RBKS: variants seen among roughly 807,000 people sequenced by gnomAD.
The protein encoded by RBKS is ribokinase.
RBKS carries 33 observed loss-of-function variants against 33.9 expected under a neutral mutation model. The ratio of observed to expected loss-of-function variants is 0.97; its 90% CI spans 0.74 to 1.30. The LOEUF is 1.30. Ranked by LOEUF, RBKS falls within the 50% of genes most tolerant of loss-of-function variation. The pLI is 0.00. For synonymous variants in RBKS, 125 were observed against 143.0 expected (o/e 0.87, Z 0.90); for missense variants, 361 against 392.6 (o/e 0.92, Z 0.68).
At chr2:27,865,375 G>A (rs1664078111) in intron 1 of RBKS, among the ~76,000 whole-genome samples, 1 of 152,124 alleles carries the variant, frequency 6.6e-6, no homozygotes, top group Admixed American at 6.5e-5. Context: ...AGAAATCTTT[G>A]CTCAGAAAGT....
chr2:27,861,036 C>T (rs933372170), intron 1 of RBKS, among the ~76,000 whole-genome samples: 21 of 151,736 alleles, frequency 1.4e-4, no homozygotes, highest in Admixed American at 1.2e-3. Context: ...GGCACGATCT[C>T]GGCTCACTGC....
chr2:27,879,838 C>A (rs1468928990), intron 1 of RBKS, among the ~76,000 whole-genome samples: 1 of 152,122 alleles, frequency 6.6e-6, no homozygotes, highest in African/African-American at 2.4e-5. Context: ...GAAACTGAAT[C>A]AGTAATAAAT....
chr2:27,879,435 A>G (rs1466467916), intron 1 of RBKS, among the ~76,000 whole-genome samples: 1 of 152,172 alleles, frequency 6.6e-6, no homozygotes, highest in Non-Finnish European at 1.5e-5. Context: ...TAATGCCATT[A>G]TCATGGGAGT....
At chr2:27,843,849 C>G (rs1361311740) in intron 4 of RBKS, among the ~76,000 whole-genome samples, 1 of 152,154 alleles carries the variant, frequency 6.6e-6, no homozygotes, top group Non-Finnish European at 1.5e-5. Context: ...TATAATCCCA[C>G]CTGAATGAGG....
intron 1 of RBKS, among the ~76,000 whole-genome samples, chr2:27,886,813 A>G (rs1051698196): frequency 6.6e-6 from 1 of 152,202 alleles, no homozygotes; most frequent in Non-Finnish European, 1.5e-5. Context: ...CTAGCCAGTA[A>G]GTAACCACTT....
At chr2:27,784,553 C>T (rs1444930648) in intron 7 of RBKS, among the ~76,000 whole-genome samples, 1 of 152,080 alleles carries the variant, frequency 6.6e-6, no homozygotes, top group East Asian at 1.9e-4. Flanking sequence ...AGAAAGCGCC[C>T]CCCACCTTGC....
At chr2:27,842,876 A>G (rs1663539961) in intron 5 of RBKS, among the ~76,000 whole-genome samples, 191 bp downstream of exon 5, 1 of 151,556 alleles carries the variant, frequency 6.6e-6, no homozygotes, top group Non-Finnish European at 1.5e-5. Flanking sequence ...AATGCTACTC[A>G]TGTTTTTTTT....
rs575671964 is a variant in RBKS at position 27,849,231 on chromosome 2, T to C, written c.223-1134A>G. Among the ~76,000 whole-genome samples, 37 of 151,392 alleles carry C rather than the reference T, an allele frequency of 2.4e-4. No homozygotes were observed. In the South Asian group the frequency reaches 7.5e-3, roughly 31 times the overall value. ...TTTATTTTTTTTTGCTTAAGCTATT[T>C]TGAATTGGGTGTCTATTGTCTGTTA... On this transcript the variant is annotated intron_variant, in intron 2 of 7. Transcript: ENST00000302188.
chr2:27,833,885 T>TG (rs1678469414), intron 5 of RBKS, among the ~76,000 whole-genome samples: 1 of 152,248 alleles, frequency 6.6e-6, no homozygotes, highest in Non-Finnish European at 1.5e-5. Flanking sequence ...GACTTGCGTG[T>TG]TAAGTAGTCT....
intron 1 of RBKS, among the ~76,000 whole-genome samples, chr2:27,876,885 T>C (rs565133454): frequency 3.3e-5 from 5 of 152,300 alleles, no homozygotes; most frequent in South Asian, 4.1e-4. Flanking sequence ...TACTCTGATA[T>C]TGATAATTGC....
intron 2 of RBKS, among the ~76,000 whole-genome samples, chr2:27,849,342 C>T (rs2148214729): frequency 6.6e-6 from 1 of 152,042 alleles, no homozygotes; most frequent in Non-Finnish European, 1.5e-5. Flanking sequence ...GCGGATGGAT[C>T]ACCTGAGGTC....
chr2:27,812,929 G>C (rs1678013057), intron 7 of RBKS, among the ~76,000 whole-genome samples: 1 of 151,516 alleles, frequency 6.6e-6, no homozygotes. Flanking sequence ...AAGGTATAGA[G>C]ATAGACCTGA....
intron 1 of RBKS, among the ~76,000 whole-genome samples, chr2:27,884,314 C>T (rs1249534781): frequency 6.6e-6 from 1 of 152,122 alleles, no homozygotes; most frequent in African/African-American, 2.4e-5. Context: ...AGTGTACAAT[C>T]GAGGCTCACT....
At chr2:27,852,106 G>A (rs1260506409) in intron 2 of RBKS, among the ~76,000 whole-genome samples, 1 of 152,176 alleles carries the variant, frequency 6.6e-6, no homozygotes, top group Non-Finnish European at 1.5e-5. Context: ...GGAACTCTCA[G>A]AACTCAACAT....
At chr2:27,854,080 G>T (rs181344783) in intron 2 of RBKS, among the ~76,000 whole-genome samples, 1 of 152,214 alleles carries the variant, frequency 6.6e-6, no homozygotes, top group South Asian at 2.1e-4. Context: ...CAAGCTATCC[G>T]TGGAGAAGCA....
intron 7 of RBKS, among the ~76,000 whole-genome samples, chr2:27,799,684 C>T (rs1039613738): frequency 3.9e-5 from 6 of 152,216 alleles, no homozygotes; most frequent in Non-Finnish European, 7.3e-5. Flanking sequence ...TCTGTTACCT[C>T]CCACCACCAT....
intron 2 of RBKS, among the ~76,000 whole-genome samples, chr2:27,848,838 C>CAA (rs58195900): frequency 8.8e-4 from 84 of 95,450 alleles, no homozygotes; most frequent in African/African-American, 1.6e-3. Flanking sequence ...GAGACTGTCT[C>CAA]AAAAAAAAAA....
intron 7 of RBKS, among the ~76,000 whole-genome samples, chr2:27,788,034 C>CA (rs1307165301): frequency 2.0e-5 from 3 of 152,152 alleles, no homozygotes; most frequent in Non-Finnish European, 2.9e-5. Flanking sequence ...CAAAATTCTA[C>CA]ATTCATTCAT....
intron 7 of RBKS, among the ~76,000 whole-genome samples, chr2:27,811,571 G>T (rs1341240075): frequency 6.6e-6 from 1 of 152,188 alleles, no homozygotes; most frequent in Non-Finnish European, 1.5e-5. Context: ...TGTGATCACT[G>T]CCTGTGAAGA....
Sources: allele counts gnomAD v4.1 joint callset (sites outside exome capture counted in the v4.1 genomes callset), GRCh38; gene constraint gnomAD v4.1.1; transcripts MANE v1.5; gene names NCBI Gene and HGNC (gene_info 2026-07-23, HGNC 2026-07-21).